The following RALGAPA2 variants were observed in gnomAD, a reference collection of about 807,000 sequenced individuals.
RALGAPA2 encodes Ral GTPase activating protein catalytic subunit alpha 2, also known as ral GTPase-activating protein subunit alpha-2.
In RALGAPA2, 139 loss-of-function variants were observed where a neutral mutation model predicts 230.4. That is an observed-to-expected ratio of 0.60 (90% CI 0.53 to 0.69). The LOEUF (loss-of-function observed/expected upper bound fraction) is 0.69, where lower values mean the gene tolerates loss of function less well. Among genes scored for constraint, RALGAPA2 ranks in the 30% least tolerant of loss-of-function variants. RALGAPA2 has a pLI of 0.00. For missense variants in RALGAPA2, 2,163 were observed against 2,276.0 expected (o/e 0.95, Z 1.01); for synonymous variants, 847 against 837.8 (o/e 1.01, Z -0.19).
At chr20:20,591,148 C>G (rs1312444538) in intron 17 of RALGAPA2, 29 bp downstream of exon 17, 3 of 1,607,182 alleles carry the variant, frequency 1.9e-6, no homozygotes, top group Non-Finnish European at 2.6e-6. Context: ...ATCTATAGTT[C>G]TGTATTAAAC....
At chr20:20,447,056 T>C (rs1200272672) in intron 37 of RALGAPA2, among the ~76,000 whole-genome samples, 1 of 152,212 alleles carries the variant, frequency 6.6e-6, no homozygotes, top group Non-Finnish European at 1.5e-5. Context: ...TACAATTGCA[T>C]ATAAAGCAAA....
At chr20:20,597,474 A>G (rs944422675) in intron 16 of RALGAPA2, among the ~76,000 whole-genome samples, 6 of 152,188 alleles carry the variant, frequency 3.9e-5, no homozygotes, top group Non-Finnish European at 8.8e-5. Flanking sequence ...GTAATATGGT[A>G]TTTACATAGC....
At chr20:20,694,821 C>T (rs1193865286) in intron 1 of RALGAPA2, among the ~76,000 whole-genome samples, 1 of 152,166 alleles carries the variant, frequency 6.6e-6, no homozygotes, top group Non-Finnish European at 1.5e-5. Flanking sequence ...CAAGCAAGAG[C>T]CAGCCTGGAA....
chr20:20,551,397 G>A (rs959330465), intron 23 of RALGAPA2, among the ~76,000 whole-genome samples: 1 of 152,198 alleles, frequency 6.6e-6, no homozygotes, highest in South Asian at 2.1e-4. Context: ...TTGCAATATA[G>A]TGAACAGATC....
At chr20:20,556,111 A>G (rs982088219) in intron 23 of RALGAPA2, among the ~76,000 whole-genome samples, 1 of 152,230 alleles carries the variant, frequency 6.6e-6, no homozygotes, top group Non-Finnish European at 1.5e-5. Flanking sequence ...ATATTTTTGC[A>G]GCAGCAAATG....
At chr20:20,525,822 C>T (rs1000294284) in intron 28 of RALGAPA2, among the ~76,000 whole-genome samples, 4 of 152,142 alleles carry the variant, frequency 2.6e-5, no homozygotes, top group Admixed American at 6.5e-5. Flanking sequence ...TCATTACAGC[C>T]GGTAATCATG....
At chr20:20,401,288 C>A (rs894085246) in intron 38 of RALGAPA2, among the ~76,000 whole-genome samples, 2 of 152,046 alleles carry the variant, frequency 1.3e-5, no homozygotes, top group Non-Finnish European at 2.9e-5. Context: ...GAAGTGGCTC[C>A]AAGATTTTAG....
chr20:20,628,922 G>A (rs2066579098), intron 10 of RALGAPA2, among the ~76,000 whole-genome samples: 2 of 151,932 alleles, frequency 1.3e-5, no homozygotes, highest in Admixed American at 6.6e-5. Flanking sequence ...CATATTGTGA[G>A]TGCCACACGC....
chr20:20,601,949 G>T, intron 15 of RALGAPA2, 103 bp from the exon 16 acceptor site: 3 of 1,058,026 alleles, frequency 2.8e-6, no homozygotes, highest in Admixed American at 7.3e-5. Flanking sequence ...TATATAATCA[G>T]CAGGTTTCCT....
chr20:20,514,841 T>C (rs977888912), intron 31 of RALGAPA2, among the ~76,000 whole-genome samples: 2 of 152,228 alleles, frequency 1.3e-5, no homozygotes, highest in East Asian at 1.9e-4. Flanking sequence ...GGCAGACTTA[T>C]AGGTACCTGG....
At chr20:20,621,492 CCTT>C (rs2066321034) in intron 10 of RALGAPA2, among the ~76,000 whole-genome samples, 1 of 149,668 alleles carries the variant, frequency 6.7e-6, no homozygotes, top group African/African-American at 2.5e-5. Context: ...TTGCTTTTGT[CCTT>C]CTTCCTTTCC....
At chr20:20,682,399 A>G (rs1404280555) in intron 1 of RALGAPA2, among the ~76,000 whole-genome samples, 1 of 152,120 alleles carries the variant, frequency 6.6e-6, no homozygotes, top group African/African-American at 2.4e-5. Flanking sequence ...AGTTCAGTAC[A>G]CTTCAACTCT....
chr20:20,624,133 C>T (rs1156911212), intron 10 of RALGAPA2, among the ~76,000 whole-genome samples: 1 of 152,216 alleles, frequency 6.6e-6, no homozygotes, highest in East Asian at 1.9e-4. Context: ...TCGAGACCAG[C>T]TTGGCCAACA....
At chr20:20,436,798 A>C (rs2060625060) in intron 37 of RALGAPA2, among the ~76,000 whole-genome samples, 1 of 152,228 alleles carries the variant, frequency 6.6e-6, no homozygotes, top group East Asian at 1.9e-4. Context: ...GGCTCCTGGA[A>C]GGGAGGGAGG....
At chr20:20,472,009 T>C (rs923708656) in intron 37 of RALGAPA2, 3 of 152,218 alleles carry the variant, frequency 2.0e-5, no homozygotes, top group African/African-American at 7.2e-5. Context: ...TTTCAAATTA[T>C]TATCAATACC....
intron 13 of RALGAPA2, among the ~76,000 whole-genome samples, chr20:20,612,277 T>C (rs1251125048): frequency 6.6e-6 from 1 of 152,202 alleles, no homozygotes. Context: ...CTTTCATATG[T>C]AAGAGAAGTG....
rs368367585 is a variant in RALGAPA2, at chr20:20,418,709, C to A, written c.5496-6561G>T. The stretch of plus-strand genomic sequence containing the variant: ...ACCAAAAAAGCCAGTCACCGAAGGA[C>A]ACATTGAGTGCAATTCTATTGCTAT... On this transcript the variant is annotated intron_variant, in intron 37 of 39. Coordinates refer to ENST00000202677, the MANE Select transcript of RALGAPA2 (RefSeq NM_020343.4). 7.9e-5 allele frequency among the ~76,000 whole-genome samples: 12 copies of A among 151,584 alleles called. No individual in the cohort carries two copies. In the East Asian group the frequency reaches 2.1e-3, roughly 27 times the overall value.
intron 37 of RALGAPA2, among the ~76,000 whole-genome samples, chr20:20,451,665 A>G (rs1264929714): frequency 6.6e-6 from 1 of 152,240 alleles, no homozygotes; most frequent in East Asian, 1.9e-4. Context: ...AATGCAAATA[A>G]CTGCCTTATT....
chr20:20,642,165 AGGGG>A (rs1255831120), intron 5 of RALGAPA2, among the ~76,000 whole-genome samples: 1 of 58,112 alleles, frequency 1.7e-5, no homozygotes, highest in Non-Finnish European at 3.3e-5. Context: ...AGGGGAGGGG[AGGGG>A]AGGGGAGGGA....
Sources: allele counts gnomAD v4.1 joint callset (sites outside exome capture counted in the v4.1 genomes callset), GRCh38; gene constraint gnomAD v4.1.1; transcripts MANE v1.5; gene names NCBI Gene and HGNC (gene_info 2026-07-23, HGNC 2026-07-21).